USP34: variants seen among roughly 807,000 people sequenced by gnomAD.
The protein encoded by USP34 is ubiquitin carboxyl-terminal hydrolase 34.
USP34 carries 70 observed loss-of-function variants against 460.3 expected under a neutral mutation model. The ratio of observed to expected loss-of-function variants is 0.15; its 90% CI spans 0.13 to 0.19. The LOEUF (loss-of-function observed/expected upper bound fraction) is 0.19. USP34 is among the 10% of genes least tolerant of loss of function. USP34 has a pLI of 1.00. For missense variants in USP34, 3,985 were observed against 4,236.2 expected, an observed-to-expected ratio of 0.94 and a Z score of 1.65; for synonymous variants, 1,647 against 1,405.3, an observed-to-expected ratio of 1.17 and a Z score of -3.85.
chr2:61,448,590 G>C (rs948129870), intron 1 of USP34, among the ~76,000 whole-genome samples: 2 of 152,242 alleles, frequency 1.3e-5, no homozygotes, highest in South Asian at 2.1e-4. Flanking sequence ...TTAATAATGA[G>C]TATATGAAGT....
In USP34 at chr2:61,227,188, C is replaced by A; in HGVS notation, c.7474G>T (p.Gly2492Trp). 1 of 1,613,416 alleles carries A rather than the reference C, an allele frequency of 6.2e-7. No individual in the cohort carries two copies. The highest frequency in any genetic ancestry group is 8.5e-7 in the Non-Finnish European group (1 of 1,179,632). Residue 2492 changes from glycine (G) to tryptophan (W), a missense_variant, in exon 62 of 80, where the codon GGG (glycine) becomes TGG (tryptophan). Transcript: ENST00000398571. The part of the protein sequence containing the change: ...PQVEVLSEEE[G>W]EEEEEEEDIL... ...TCTTCTTCCTCCTCTTCTTCTTCCC[C>A]TTCTTCCTCTGATAACACTTCAACT...
chr2:61,233,686 G>T (rs1687981377), intron 57 of USP34, among the ~76,000 whole-genome samples: 1 of 151,922 alleles, frequency 6.6e-6, no homozygotes. Flanking sequence ...TTAGCTGAGT[G>T]TGTTGGTATG....
intron 1 of USP34, among the ~76,000 whole-genome samples, chr2:61,462,432 C>T (rs1695629447): frequency 6.7e-6 from 1 of 149,680 alleles, no homozygotes; most frequent in Admixed American, 6.7e-5. Context: ...ACCTGTAATC[C>T]CAGCTACTTG....
intron 41 of USP34, among the ~76,000 whole-genome samples, chr2:61,270,558 C>G (rs1350888926): frequency 1.3e-5 from 2 of 152,160 alleles, no homozygotes; most frequent in Non-Finnish European, 2.9e-5. Context: ...GCCTCAGCCT[C>G]CCGAGTAGCT....
At chr2:61,382,880 T>C (rs1468344701) in intron 6 of USP34, among the ~76,000 whole-genome samples, 1 of 152,252 alleles carries the variant, frequency 6.6e-6, no homozygotes, top group African/African-American at 2.4e-5. Context: ...CTTTCTGATG[T>C]AGTATTATCA....
rs562969186 is a variant in USP34 at position 61,294,136 on chromosome 2, C to T, written c.4462-586G>A. On this transcript the variant is annotated intron_variant, in intron 32 of 79. Coordinates refer to ENST00000398571, the MANE Select transcript of USP34 (RefSeq NM_014709.4). ...CGAGGCGGGTGGATCACGAGGTCAG[C>T]AGATCAAGACCATCCTGGCTAACAT... Among the ~76,000 whole-genome samples the T allele has an allele frequency of 5.3e-5, 8 of 152,030 alleles. No homozygotes were observed. In the East Asian group the frequency reaches 1.6e-3, roughly 30 times the overall value.
chr2:61,304,697 G>C (rs1459053692), intron 27 of USP34, among the ~76,000 whole-genome samples: 1 of 152,216 alleles, frequency 6.6e-6, no homozygotes, highest in African/African-American at 2.4e-5. Context: ...CAGACCATGA[G>C]AAATAAATTT....
intron 3 of USP34, among the ~76,000 whole-genome samples, chr2:61,403,009 G>A (rs1693765891): frequency 6.6e-6 from 1 of 152,044 alleles, no homozygotes; most frequent in African/African-American, 2.4e-5. Flanking sequence ...TCATTATTAA[G>A]ATAATAGAAA....
chr2:61,413,672 A>G (rs1207928507), intron 2 of USP34, among the ~76,000 whole-genome samples: 5 of 138,460 alleles, frequency 3.6e-5, no homozygotes. Flanking sequence ...AAAATTAAAA[A>G]AATAAAAAAT....
At chr2:61,233,057 A>C (rs1687959841) in intron 57 of USP34, among the ~76,000 whole-genome samples, 1 of 151,860 alleles carries the variant, frequency 6.6e-6, no homozygotes, top group African/African-American at 2.4e-5. Context: ...ATGGGGTTTC[A>C]CTATGTTGGC....
chr2:61,268,532 CA>C (rs1026908117), intron 41 of USP34, among the ~76,000 whole-genome samples: 1 of 150,742 alleles, frequency 6.6e-6, no homozygotes, highest in African/African-American at 2.4e-5. Context: ...GGCCTTCTGC[CA>C]TGAGTAAAAG....
rs1055562808 is a variant in USP34, at chr2:61,217,198, G to C, written c.8048-2504C>G. 1.4e-4 allele frequency among the ~76,000 whole-genome samples: 21 copies of C among 152,274 alleles called. No individual in the cohort carries two copies. In the Middle Eastern group the frequency reaches 0.01, roughly 74 times the overall value. On this transcript the variant is annotated intron_variant, in intron 67 of 79. Transcript: ENST00000398571. ...GTTTTTCTTTAAGAACAGACAGGAA[G>C]GTTAATTTGGAAGAACAGGCCATCT...
intron 1 of USP34, among the ~76,000 whole-genome samples, chr2:61,439,991 G>A (rs1694920221): frequency 1.3e-5 from 2 of 152,176 alleles, no homozygotes; most frequent in South Asian, 2.1e-4. Context: ...AGGGACCACA[G>A]GAGGGGCAGT....
At chr2:61,403,208 A>T (rs2103926880) in intron 3 of USP34, among the ~76,000 whole-genome samples, 1 of 152,320 alleles carries the variant, frequency 6.6e-6, no homozygotes, top group South Asian at 2.1e-4. Context: ...AATAATAATA[A>T]CAAAGTACTT....
intron 18 of USP34, among the ~76,000 whole-genome samples, chr2:61,335,708 C>T (rs1691395932): frequency 6.6e-6 from 1 of 152,166 alleles, no homozygotes; most frequent in Admixed American, 6.5e-5. Context: ...GAGATTGCAC[C>T]ACTGCACTTG....
chr2:61,344,143 T>C, intron 15 of USP34, 114 bp from the exon 16 acceptor site: 1 of 912,394 alleles, frequency 1.1e-6, no homozygotes, highest in Non-Finnish European at 1.7e-6. Flanking sequence ...AACCGACATC[T>C]GCTTATTAAC....
chr2:61,434,768 AGGG>A (rs36007708), intron 1 of USP34, among the ~76,000 whole-genome samples: 5 of 149,516 alleles, frequency 3.3e-5, no homozygotes, highest in African/African-American at 1.2e-4. Context: ...TAAAATTGAA[AGGG>A]GGGGGGTTCC....
rs1453365707 is a variant in USP34 at position 61,189,440 on chromosome 2, A to AT, written c.9874-372dup. On this transcript the variant is annotated intron_variant, in intron 78 of 79. Transcript: ENST00000398571. ...GGCGCCCGCCACCACGCCTGGCTTA[A>AT]TTTTTTCTATTTTAGTAGAGACAGG... is the stretch of plus-strand genomic sequence containing the variant. 1.9e-5 allele frequency: 3 copies of AT among 161,358 alleles called. No homozygotes were observed. The East Asian group carries it at 5.6e-4, about 30-fold the overall frequency. 10.0% of individuals were successfully genotyped at this position (161,358 alleles called of 1,614,324 possible). A position where few individuals can be genotyped will look rare whatever the true frequency, so the allele number is the denominator to read the frequency against.
chr2:61,239,817 G>C (rs1008515701), intron 53 of USP34, among the ~76,000 whole-genome samples: 1 of 151,988 alleles, frequency 6.6e-6, no homozygotes, highest in African/African-American at 2.4e-5. Context: ...GACCATCCTG[G>C]CTAACACAGT....
Sources: allele counts gnomAD v4.1 joint callset (sites outside exome capture counted in the v4.1 genomes callset), GRCh38; gene constraint gnomAD v4.1.1; transcripts MANE v1.5; gene names NCBI Gene and HGNC (gene_info 2026-07-23, HGNC 2026-07-21).